The following NTRK3 variants were observed in gnomAD, a reference collection of about 807,000 sequenced individuals.
NTRK3 encodes the protein neurotrophic receptor tyrosine kinase 3, also known as NT-3 growth factor receptor.
In NTRK3, 24 loss-of-function variants were observed where a neutral mutation model predicts 91.7. The observed-to-expected ratio is 0.26, with a 90% CI of 0.19 to 0.37. NTRK3 has a LOEUF of 0.37. NTRK3 is among the 10% of genes least tolerant of loss of function. The probability of loss-of-function intolerance (pLI) is 1.00; values close to 1 mark genes in which losing one functional copy is unlikely to be tolerated. For missense variants in NTRK3, 880 were observed against 1,068.9 expected, an observed-to-expected ratio of 0.82 and a Z score of 2.46; for synonymous variants, 483 against 404.0, an observed-to-expected ratio of 1.20 and a Z score of -2.34.
chr15:88,198,454 TC>T (rs1471755714), intron 3 of NTRK3, among the ~76,000 whole-genome samples: 1 of 152,116 alleles, frequency 6.6e-6, no homozygotes, highest in Non-Finnish European at 1.5e-5. Flanking sequence ...CATCTTCCTC[TC>T]CCCTAAGCTT....
chr15:88,020,990 A>G (rs970950080), intron 14 of NTRK3, among the ~76,000 whole-genome samples: 1 of 152,224 alleles, frequency 6.6e-6, no homozygotes, highest in African/African-American at 2.4e-5. Flanking sequence ...CAGCTCCCTA[A>G]GATTCCATTC....
At chr15:88,223,762 C>T (rs57522713) in intron 3 of NTRK3, among the ~76,000 whole-genome samples, 4,018 of 152,242 alleles carry the variant, frequency 0.026, 208 homozygotes, top group African/African-American at 0.092. Context: ...AAAAACCCTT[C>T]GCACAGTGCT....
At chr15:87,875,409 G>A (rs2064922475) in exon 19 of NTRK3, 1 of 231,802 alleles carries the variant, frequency 4.3e-6, no homozygotes, top group Non-Finnish European at 8.5e-6. Flanking sequence ...CAGGAAGGCA[G>A]TGATTCCCCA....
At position 88,255,028 on chromosome 15, in the gene NTRK3, G is replaced by A. The variant is rs995073976; in HGVS notation, c.248+878C>T. On this transcript the variant is annotated intron_variant, in intron 3 of 18. Transcript: ENST00000394480. This position sits in a 1 kb window ranked among gnomAD's most constrained non-coding sequence, Gnocchi z 4.3. ...AAGGAGAAAAGAGCAGGCCACCACT[G>A]GTCTCCCTCGGAGGGGGCAGAACCA... 6.6e-6 allele frequency among the ~76,000 whole-genome samples: 1 copy of A among 152,124 alleles called. No homozygotes were observed. Among genetic ancestry groups the A allele is most frequent in the African/African-American group, 2.4e-5 (1 of 41,420 alleles).
chr15:87,962,589 C>T (rs893853500), intron 14 of NTRK3, among the ~76,000 whole-genome samples: 1 of 152,220 alleles, frequency 6.6e-6, no homozygotes, highest in African/African-American at 2.4e-5. Context: ...TGAATTCCTT[C>T]CAGCTGGTTG....
chr15:87,960,342 A>C (rs2072133691), intron 14 of NTRK3, among the ~76,000 whole-genome samples: 1 of 152,034 alleles, frequency 6.6e-6, no homozygotes, highest in African/African-American at 2.4e-5. Context: ...CTTTCTTCTA[A>C]GGTTGTAAAG....
chr15:88,117,842 C>G (rs1438938650), intron 13 of NTRK3, among the ~76,000 whole-genome samples: 2 of 152,214 alleles, frequency 1.3e-5, no homozygotes, highest in South Asian at 2.1e-4. Context: ...GTTATTAACC[C>G]TTCTGAGTGC....
intron 3 of NTRK3, among the ~76,000 whole-genome samples, chr15:88,201,397 G>A (rs958997878): frequency 3.3e-5 from 5 of 152,204 alleles, no homozygotes; most frequent in African/African-American, 7.2e-5. Context: ...TTCTAAGGGT[G>A]TGTGAAGCCA....
At chr15:88,170,300 A>T (rs1351475197) in intron 5 of NTRK3, among the ~76,000 whole-genome samples, 3 of 152,228 alleles carry the variant, frequency 2.0e-5, no homozygotes, top group Non-Finnish European at 4.4e-5. Flanking sequence ...CATTTTTCAC[A>T]AGATCTTCAT....
At chr15:88,122,774 C>G (rs1462753234) in intron 13 of NTRK3, among the ~76,000 whole-genome samples, 1 of 152,222 alleles carries the variant, frequency 6.6e-6, no homozygotes, top group Non-Finnish European at 1.5e-5. Flanking sequence ...CTACTTCCCA[C>G]TGCCCAGACA....
intron 13 of NTRK3, among the ~76,000 whole-genome samples, chr15:88,124,303 C>G (rs1042637888): frequency 2.6e-5 from 4 of 152,164 alleles, no homozygotes; most frequent in African/African-American, 9.6e-5. Context: ...AAAGGAAGGT[C>G]TGCCTGGGAG....
At chr15:88,221,016 C>G (rs1315412063) in intron 3 of NTRK3, among the ~76,000 whole-genome samples, 1 of 152,226 alleles carries the variant, frequency 6.6e-6, no homozygotes, top group African/African-American at 2.4e-5. Context: ...AACAAACTCT[C>G]CTGGGGATTC....
intron 10 of NTRK3, among the ~76,000 whole-genome samples, chr15:88,133,170 GC>G (rs1373650914): frequency 1.3e-5 from 2 of 152,146 alleles, no homozygotes; most frequent in African/African-American, 4.8e-5. Context: ...AGAACCACTG[GC>G]CTGAGGAGCA....
chr15:88,212,382 T>A (rs1473748886), intron 3 of NTRK3, among the ~76,000 whole-genome samples: 1 of 151,938 alleles, frequency 6.6e-6, no homozygotes, highest in East Asian at 1.9e-4. Flanking sequence ...AAAATAAAAA[T>A]AAAATAAAAA....
intron 17 of NTRK3, among the ~76,000 whole-genome samples, chr15:87,922,872 C>T (rs934619181): frequency 2.6e-5 from 4 of 152,082 alleles, no homozygotes; most frequent in African/African-American, 9.7e-5. Flanking sequence ...TTGTTTCTTT[C>T]CTCCACCCAA....
intron 14 of NTRK3, among the ~76,000 whole-genome samples, chr15:88,011,281 C>T (rs560140644): frequency 6.6e-6 from 1 of 152,212 alleles, no homozygotes; most frequent in East Asian, 1.9e-4. Flanking sequence ...TATTCATCAC[C>T]AACAGAAAGC....
chr15:88,091,200 T>G (rs2048985156), intron 13 of NTRK3, among the ~76,000 whole-genome samples: 1 of 152,154 alleles, frequency 6.6e-6, no homozygotes. Flanking sequence ...GGTTAGACCT[T>G]TTGTTAACGG....
chr15:87,883,886 A>G (rs1458355710), intron 17 of NTRK3, among the ~76,000 whole-genome samples: 1 of 151,254 alleles, frequency 6.6e-6, no homozygotes, highest in Non-Finnish European at 1.5e-5. Flanking sequence ...CTTGAAATCT[A>G]TGAAATATAA....
intron 3 of NTRK3, among the ~76,000 whole-genome samples, chr15:88,194,744 G>A (rs1299069203): frequency 6.6e-6 from 1 of 152,074 alleles, no homozygotes; most frequent in Non-Finnish European, 1.5e-5. Flanking sequence ...TCCTGCACTT[G>A]GACTTGGGGG....
Sources: gnomAD v4.1 joint callset for allele counts (sites outside exome capture counted in the v4.1 genomes callset) on GRCh38, gnomAD v4.1.1 for gene constraint, Gnocchi (gnomAD v3.1) non-coding constraint, MANE v1.5 for transcripts, NCBI Gene and HGNC (gene_info 2026-07-23, HGNC 2026-07-21) for gene names.